Variants in CEP131 observed in about 807,000 individuals in gnomAD.
CEP131 encodes the protein centrosomal protein of 131 kDa.
CEP131 carries 99 observed loss-of-function variants against 136.8 expected under a neutral mutation model. The ratio of observed to expected loss-of-function variants is 0.72; its 90% CI spans 0.62 to 0.86. CEP131 has a LOEUF of 0.86. Ranked by LOEUF, CEP131 falls within the 40% of genes least tolerant of loss-of-function variation. CEP131 has a pLI of 0.00. For synonymous variants in CEP131, 646 were observed against 612.7 expected, an observed-to-expected ratio of 1.05 and a Z score of -0.80; for missense variants, 1,459 against 1,463.0, an observed-to-expected ratio of 1.00 and a Z score of 0.04.
chr17:81,213,308 C>T (rs555058228), intron 2 of CEP131, among the ~76,000 whole-genome samples: 178 of 152,214 alleles, frequency 1.2e-3, no homozygotes, highest in Non-Finnish European at 2.1e-3. Flanking sequence ...GCCTGTAATC[C>T]CAGCACTTTG....
Position 81,192,765 on chromosome 17 carries a change from C to T in CEP131, c.2400G>A (p.Glu800=). 1.3e-6 allele frequency: 2 copies of T among 1,593,582 alleles called. No individual in the cohort carries two copies. Among genetic ancestry groups the T allele is most frequent in the Non-Finnish European group, 1.7e-6 (2 of 1,175,078 alleles). ...CTGCCTGCTGGCCCAGCCGCTCCCT[C>T]TCCTCAGCCACCTCACTGTACAGCC... is the stretch of plus-strand genomic sequence containing the variant. The part of the protein sequence containing the change: ...RQRLYSEVAE[E]RERLGQQAAR... The change falls in exon 19 of 26, where the codon GAG becomes GAA. Residue 800 remains glutamate, a synonymous_variant. Transcript: ENST00000450824.
In CEP131 at chr17:81,194,957, T is replaced by G; in HGVS notation, c.2032A>C (p.Lys678Gln). ...AQHELEIKKL[K>Q]ELMSATEKAR... ...TTCTCGGTGGCGCTCATTAATTCTT[T>G]GAGTTTTTTAATCTCCTACGAGCAG... The change falls in exon 17 of 26, where the codon AAA becomes CAA. Residue 678 changes from lysine (K) to glutamine (Q), a missense_variant. Coordinates refer to ENST00000450824, the MANE Select transcript of CEP131 (RefSeq NM_014984.4). 1 of 1,582,324 alleles carries G rather than the reference T, an allele frequency of 6.3e-7. No homozygotes were observed. Among genetic ancestry groups the G allele is most frequent in the South Asian group, 1.1e-5 (1 of 90,118 alleles).
chr17:81,206,413 T>A (rs1331164482), intron 5 of CEP131, among the ~76,000 whole-genome samples: 1 of 151,056 alleles, frequency 6.6e-6, no homozygotes, highest in Non-Finnish European at 1.5e-5. Flanking sequence ...CTGCCTGGAG[T>A]CTATTTCTTT....
intron 2 of CEP131, among the ~76,000 whole-genome samples, chr17:81,214,609 A>G (rs2062204939): frequency 6.6e-6 from 1 of 152,302 alleles, no homozygotes; most frequent in African/African-American, 2.4e-5. Flanking sequence ...ACTAAAAGGT[A>G]GTACAGTCAG....
At chr17:81,191,970 G>C (rs1009483042) in intron 21 of CEP131, among the ~76,000 whole-genome samples, 1 of 152,120 alleles carries the variant, frequency 6.6e-6, no homozygotes, top group African/African-American at 2.4e-5. Context: ...GAGGCTAAGG[G>C]GGGAGCCCCT....
intron 6 of CEP131, 35 bp from the exon 7 acceptor site, chr17:81,202,433 G>A (rs199618269): frequency 2.2e-5 from 35 of 1,599,430 alleles, no homozygotes; most frequent in South Asian, 2.2e-5. Flanking sequence ...TCGTCTCACC[G>A]CCCAGGGGAA....
At chr17:81,193,565 C>A (rs1047107685) in intron 18 of CEP131, among the ~76,000 whole-genome samples, 4 of 152,218 alleles carry the variant, frequency 2.6e-5, no homozygotes, top group African/African-American at 9.6e-5. Context: ...TCCCTGGGCC[C>A]CAAGGTCAGA....
intron 21 of CEP131, among the ~76,000 whole-genome samples, chr17:81,191,649 C>T (rs765848053): frequency 1.3e-5 from 2 of 152,206 alleles, no homozygotes; most frequent in East Asian, 1.9e-4. Context: ...TTGCTGAGGG[C>T]GGGGCCTGGG....
chr17:81,204,348 C>T (rs2271088), intron 5 of CEP131, among the ~76,000 whole-genome samples: 128,526 of 152,030 alleles, frequency 0.85, 55,560 homozygotes, highest in Non-Finnish European at 0.93. Context: ...CCAGGACAGC[C>T]ACCGCCACCC....
At chr17:81,209,154 G>C in intron 2 of CEP131, 132 bp from the exon 3 acceptor site, 2 of 672,216 alleles carry the variant, frequency 3.0e-6, no homozygotes, top group Non-Finnish European at 2.6e-6. Context: ...GGCCCAAGTG[G>C]CCTCAAAGGC....
intron 14 of CEP131, 31 bp downstream of exon 14, chr17:81,196,899 G>T: frequency 6.2e-7 from 1 of 1,607,498 alleles, no homozygotes; most frequent in East Asian, 2.2e-5. Flanking sequence ...AGGCTAGCAG[G>T]GCCCGGGATT....
chr17:81,197,513 TG>T (rs2061787222), intron 13 of CEP131, 198 bp downstream of exon 13: 8 of 768,484 alleles, frequency 1.0e-5, no homozygotes, highest in Non-Finnish European at 1.2e-5. Context: ...GAGAGACCCG[TG>T]GGGGGTGCTG....
chr17:81,216,125 T>C (rs1948154885), intron 2 of CEP131, among the ~76,000 whole-genome samples: 1 of 152,010 alleles, frequency 6.6e-6, no homozygotes. Flanking sequence ...TTCGGGAGGC[T>C]GAGGCAGGAG....
At position 81,203,273 on chromosome 17, in the gene CEP131, G is replaced by A. The variant is rs937086842; in HGVS notation, c.629+221C>T. On this transcript the variant is annotated intron_variant, in intron 6 of 25. Coordinates refer to ENST00000450824, the MANE Select transcript of CEP131 (RefSeq NM_014984.4). The surrounding 1 kb of genome is among the most constrained non-coding windows in gnomAD (Gnocchi z 4.6). The stretch of plus-strand genomic sequence containing the variant: ...CAGAAGAGGGCGGCGGACGTGGATG[G>A]GGAGCCCGGTTCACAGCTGCTCCAC... 2.6e-5 allele frequency among the ~76,000 whole-genome samples: 4 copies of A among 152,210 alleles called. No individual in the cohort carries two copies. The highest frequency in any genetic ancestry group is 9.6e-5 in the African/African-American group (4 of 41,466).
At chr17:81,221,141 A>C (rs998616329) in intron 1 of CEP131, among the ~76,000 whole-genome samples, 20 of 151,250 alleles carry the variant, frequency 1.3e-4, no homozygotes, top group African/African-American at 4.6e-4. Flanking sequence ...AAAAAAAAAA[A>C]AAAAACGCGG....
At position 81,206,737 on chromosome 17, in the gene CEP131, G is replaced by C. The variant is rs781548576; in HGVS notation, c.515+7C>G. The C allele has an allele frequency of 5.3e-5, 85 of 1,611,550 alleles. No homozygotes were observed. The highest frequency in any genetic ancestry group is 7.0e-5 in the Non-Finnish European group (83 of 1,178,676). ...GTGCCCGTCGTGGGCACCTGCACAG[G>C]TCGTACCTGTTGTTAGCAGTGAAGT... On this transcript the variant is annotated splice_region_variant and intron_variant, in intron 5 of 25. Coordinates refer to ENST00000450824, the MANE Select transcript of CEP131 (RefSeq NM_014984.4).
intron 2 of CEP131, among the ~76,000 whole-genome samples, chr17:81,212,716 C>G (rs1267887915): frequency 6.6e-6 from 1 of 151,574 alleles, no homozygotes; most frequent in Non-Finnish European, 1.5e-5. Flanking sequence ...CCAGGGACAG[C>G]AGACGATGGG....
At chr17:81,214,688 AG>A (rs2062206895) in intron 2 of CEP131, among the ~76,000 whole-genome samples, 1 of 152,232 alleles carries the variant, frequency 6.6e-6, no homozygotes, top group Non-Finnish European at 1.5e-5. Context: ...CCAGAGCACG[AG>A]GGAGCAGGCC....
In CEP131 at chr17:81,190,905, A is replaced by AC. The variant is rs764434115; in HGVS notation, c.2943+1dup. On this transcript the variant is annotated splice_donor_variant, in intron 23 of 25. Coordinates refer to ENST00000450824, the MANE Select transcript of CEP131 (RefSeq NM_014984.4). LOFTEE classifies it high-confidence loss of function. Reference sequence around the variant, plus strand: ...CTGCCCACCTGACACCCGCCCACTCACCGCCTGCGCATCCTCCAGCGCCCG... The same window carrying AC: ...CTGCCCACCTGACACCCGCCCACTCACCCGCCTGCGCATCCTCCAGCGCCCG... 1.6e-5 allele frequency: 26 copies of AC among 1,601,496 alleles called. No homozygotes were observed. The African/African-American group carries it at 2.8e-4, about 17-fold the overall frequency.
Sources: gnomAD v4.1 joint callset for allele counts (sites outside exome capture counted in the v4.1 genomes callset) on GRCh38, gnomAD v4.1.1 for gene constraint, Gnocchi (gnomAD v3.1) non-coding constraint, MANE v1.5 for transcripts, NCBI Gene and HGNC (gene_info 2026-07-23, HGNC 2026-07-21) for gene names.